CLASP1: variants seen among roughly 807,000 people sequenced by gnomAD.
The protein encoded by CLASP1 is cytoplasmic linker associated protein 1.
CLASP1 carries 38 observed loss-of-function variants against 192.3 expected under a neutral mutation model. The ratio of observed to expected loss-of-function variants is 0.20; its 90% CI spans 0.15 to 0.26. The LOEUF is 0.26. CLASP1 is among the 10% of genes least tolerant of loss of function. The pLI, the probability that CLASP1 is intolerant of heterozygous loss-of-function variation, is 1.00. For missense variants in CLASP1, 1,433 were observed against 1,932.5 expected, an observed-to-expected ratio of 0.74 and a Z score of 4.85; for synonymous variants, 691 against 712.8, an observed-to-expected ratio of 0.97 and a Z score of 0.49.
At chr2:121,605,618 A>T in intron 2 of CLASP1, 83 bp downstream of exon 2, 1 of 960,368 alleles carries the variant, frequency 1.0e-6, no homozygotes, top group Middle Eastern at 2.2e-4. Flanking sequence ...CTGACTGCTC[A>T]CAAGGGATTT....
At chr2:121,362,343 G>A (rs2066573858) in intron 37 of CLASP1, among the ~76,000 whole-genome samples, 1 of 152,288 alleles carries the variant, frequency 6.6e-6, no homozygotes, top group Non-Finnish European at 1.5e-5. Flanking sequence ...AAAGCCTGGT[G>A]AGGCATAGGG....
intron 34 of CLASP1, among the ~76,000 whole-genome samples, chr2:121,372,971 C>T (rs918811706): frequency 6.6e-6 from 1 of 152,212 alleles, no homozygotes; most frequent in Non-Finnish European, 1.5e-5. Flanking sequence ...CCCTCCTACT[C>T]GACCTAACAA....
chr2:121,618,424 G>A (rs542250830), intron 1 of CLASP1, among the ~76,000 whole-genome samples: 7 of 152,204 alleles, frequency 4.6e-5, no homozygotes, highest in South Asian at 4.2e-4. Flanking sequence ...AAGAGTGTGC[G>A]GCCTGTTCAG....
chr2:121,501,626 T>C (rs1427827258), intron 8 of CLASP1, among the ~76,000 whole-genome samples: 1 of 152,216 alleles, frequency 6.6e-6, no homozygotes, highest in Non-Finnish European at 1.5e-5. Flanking sequence ...GGAGGATTAA[T>C]GAAAGCATTT....
intron 8 of CLASP1, among the ~76,000 whole-genome samples, chr2:121,472,596 A>C (rs2090949903): frequency 6.6e-6 from 1 of 152,234 alleles, no homozygotes; most frequent in Non-Finnish European, 1.5e-5. Context: ...CAGACAGTAA[A>C]GAACAGAGTT....
intron 2 of CLASP1, among the ~76,000 whole-genome samples, chr2:121,551,695 A>T (rs149793835): frequency 3.7e-4 from 56 of 152,350 alleles, no homozygotes; most frequent in African/African-American, 1.3e-3. Flanking sequence ...CAGAGAAATC[A>T]GAGAAGACAC....
rs1559552495 is a variant in CLASP1 at position 121,536,377 on chromosome 2, T to TAAAAA, written c.196-6053_196-6052insTTTTT. On this transcript the variant is annotated intron_variant, in intron 2 of 39. Coordinates refer to ENST00000263710, the Ensembl canonical transcript of CLASP1. ...GCCTGGGCGACAGAGCAAGACTGTC[T>TAAAAA]GAAAAAAAAAAAAAAAAAAAAAAAA... 2.4e-3 allele frequency among the ~76,000 whole-genome samples: 148 copies of TAAAAA among 62,070 alleles called. 4 individuals are homozygous for TAAAAA. The highest frequency in any genetic ancestry group is 0.022 in the African/African-American group (142 of 6,386). 40.7% of individuals were successfully genotyped at this position (62,070 alleles called of 152,430 possible).
At chr2:121,397,109 T>A (rs1299988042) in intron 30 of CLASP1, 31 bp downstream of exon 31, 2 of 1,609,872 alleles carry the variant, frequency 1.2e-6, no homozygotes. Context: ...AGGAACAATC[T>A]GTAATTACAC....
At chr2:121,469,949 C>T (rs765656733) in exon 9 of CLASP1, 5 of 1,610,368 alleles carry the variant, frequency 3.1e-6, no homozygotes, top group East Asian at 2.2e-5. Flanking sequence ...TCTTCATCGT[C>T]GAAATTTTTA....
At chr2:121,641,665 C>G (rs1559853809) in intron 1 of CLASP1, among the ~76,000 whole-genome samples, 1 of 152,098 alleles carries the variant, frequency 6.6e-6, no homozygotes, top group Non-Finnish European at 1.5e-5. Context: ...ATTGCTTATT[C>G]TTTTTTAAAA....
intron 19 of CLASP1, among the ~76,000 whole-genome samples, chr2:121,441,891 T>C (rs1052955534): frequency 9.2e-5 from 14 of 152,234 alleles, no homozygotes; most frequent in Admixed American, 6.5e-5. Context: ...TTTTTTACAT[T>C]TTATTTCCCA....
intron 34 of CLASP1, among the ~76,000 whole-genome samples, chr2:121,368,393 T>G (rs1008515825): frequency 6.6e-6 from 1 of 152,228 alleles, no homozygotes; most frequent in African/African-American, 2.4e-5. Flanking sequence ...TTTAGATATT[T>G]CTGACTCAGA....
intron 4 of CLASP1, 62 bp from the exon 5 acceptor site, chr2:121,527,952 G>T (rs2094617385): frequency 2.2e-6 from 3 of 1,359,802 alleles, no homozygotes; most frequent in Non-Finnish European, 2.1e-6. Flanking sequence ...ACTTTATAAG[G>T]GAGCAATAGA....
intron 7 of CLASP1, among the ~76,000 whole-genome samples, chr2:121,512,341 G>A (rs1174764753): frequency 6.6e-6 from 1 of 152,186 alleles, no homozygotes; most frequent in African/African-American, 2.4e-5. Context: ...GTCTATGAAA[G>A]TAACAAAGAG....
chr2:121,349,541 C>T (rs889080430), intron 37 of CLASP1, among the ~76,000 whole-genome samples: 3 of 152,210 alleles, frequency 2.0e-5, no homozygotes, highest in Non-Finnish European at 4.4e-5. Context: ...GCAAAGAAGC[C>T]TGGAGGAAAT....
chr2:121,624,321 T>C (rs1470035147), intron 1 of CLASP1, among the ~76,000 whole-genome samples: 2 of 152,322 alleles, frequency 1.3e-5, no homozygotes, highest in African/African-American at 2.4e-5. Context: ...ATCCCCTAGC[T>C]TATGATATAT....
intron 39 of CLASP1, among the ~76,000 whole-genome samples, chr2:121,342,860 C>G (rs2062957390): frequency 6.6e-6 from 1 of 152,040 alleles, no homozygotes; most frequent in Non-Finnish European, 1.5e-5. Flanking sequence ...GGCTTGAGTC[C>G]AGGAGGTCAA....
chr2:121,593,626 CAAA>C (rs61315745), intron 2 of CLASP1, among the ~76,000 whole-genome samples: 22 of 50,726 alleles, frequency 4.3e-4, no homozygotes, highest in African/African-American at 1.3e-3. Context: ...AACTCCGTCT[CAAA>C]AAAAAAAAAA....
At chr2:121,401,834 GA>G (rs750312537) in intron 27 of CLASP1, 33 bp downstream of exon 28, 10 of 765,874 alleles carry the variant, frequency 1.3e-5, no homozygotes, top group Non-Finnish European at 2.4e-5. Flanking sequence ...ATGTAGTGCA[GA>G]AAACAGATAA....
Sources: allele counts gnomAD v4.1 joint callset (sites outside exome capture counted in the v4.1 genomes callset), GRCh38; gene constraint gnomAD v4.1.1; transcripts MANE v1.5; gene names NCBI Gene and HGNC (gene_info 2026-07-23, HGNC 2026-07-21).